The following NOVA1 variants were observed in gnomAD, a reference collection of about 807,000 sequenced individuals.
NOVA1 encodes the protein NOVA alternative splicing regulator 1.
A neutral mutation model predicts 38.0 loss-of-function variants in NOVA1; 7 were observed. The observed-to-expected ratio is 0.18, with a 90% CI of 0.10 to 0.35. The LOEUF is 0.35. Ranked by LOEUF, NOVA1 falls within the 10% of genes least tolerant of loss-of-function variation. NOVA1 has a pLI of 1.00. For synonymous variants in NOVA1, 270 were observed against 232.5 expected (o/e 1.16, Z -1.47); for missense variants, 460 against 616.0 (o/e 0.75, Z 2.68).
intron 2 of NOVA1, among the ~76,000 whole-genome samples, chr14:26,578,496 T>C (rs1893006207): frequency 1.3e-5 from 2 of 151,880 alleles, no homozygotes. Flanking sequence ...TGGAATGGAA[T>C]ATAGAAAAAA....
chr14:26,558,327 A>G (rs57242902), intron 2 of NOVA1, among the ~76,000 whole-genome samples: 7,371 of 152,218 alleles, frequency 0.048, 546 homozygotes, highest in African/African-American at 0.16. Context: ...GGAAGTAAAG[A>G]TGTCCTTCAA....
intron 2 of NOVA1, among the ~76,000 whole-genome samples, chr14:26,539,518 T>G (rs1384841508): frequency 1.4e-5 from 2 of 144,550 alleles, no homozygotes; most frequent in East Asian, 4.2e-4. Flanking sequence ...TTTATAAAAT[T>G]AAGAGCTCTT....
intron 4 of NOVA1, among the ~76,000 whole-genome samples, chr14:26,460,665 T>C (rs1313863029): frequency 6.6e-6 from 1 of 151,986 alleles, no homozygotes; most frequent in Non-Finnish European, 1.5e-5. Context: ...TTAGAAAAAC[T>C]AATAACCAAA....
At chr14:26,553,170 G>A (rs573720422) in intron 2 of NOVA1, among the ~76,000 whole-genome samples, 1 of 152,294 alleles carries the variant, frequency 6.6e-6, no homozygotes, top group South Asian at 2.1e-4. Context: ...TGAGATATCA[G>A]GTAGCACTTT....
chr14:26,459,331 C>T (rs1278097220), intron 4 of NOVA1, among the ~76,000 whole-genome samples: 1 of 151,920 alleles, frequency 6.6e-6, no homozygotes, highest in Non-Finnish European at 1.5e-5. Flanking sequence ...GTTACAACTG[C>T]CTACAGTATT....
At chr14:26,540,137 C>T (rs1420744596) in intron 2 of NOVA1, among the ~76,000 whole-genome samples, 1 of 152,190 alleles carries the variant, frequency 6.6e-6, no homozygotes, top group Non-Finnish European at 1.5e-5. Context: ...CAGCCATCCC[C>T]ACTTCCCCCA....
intron 2 of NOVA1, among the ~76,000 whole-genome samples, chr14:26,502,165 T>A (rs2138411186): frequency 6.6e-6 from 1 of 152,030 alleles, no homozygotes; most frequent in South Asian, 2.1e-4. Context: ...GCTCTCATCA[T>A]TTTATTTTCT....
At chr14:26,582,292 A>T (rs1950411) in intron 2 of NOVA1, among the ~76,000 whole-genome samples, 53,507 of 151,592 alleles carry the variant, frequency 0.35, 11,603 homozygotes, top group African/African-American at 0.61. Flanking sequence ...GCAATGCAGT[A>T]TCTACTTATT....
intron 2 of NOVA1, among the ~76,000 whole-genome samples, chr14:26,505,650 T>C (rs1887592007): frequency 1.3e-5 from 2 of 152,122 alleles, no homozygotes; most frequent in South Asian, 2.1e-4. Context: ...ATACACATAA[T>C]ACACACATAT....
chr14:26,452,687 G>A (rs2138571716), intron 4 of NOVA1, among the ~76,000 whole-genome samples: 1 of 152,238 alleles, frequency 6.6e-6, no homozygotes, highest in East Asian at 1.9e-4. Context: ...GATCTTCAAC[G>A]GCATACCAAT....
intron 2 of NOVA1, among the ~76,000 whole-genome samples, chr14:26,566,790 A>G (rs1024217623): frequency 3.3e-5 from 5 of 152,214 alleles, no homozygotes; most frequent in African/African-American, 9.6e-5. Flanking sequence ...AACGGAAGTC[A>G]TCATTATAAG....
chr14:26,557,001 GC>G (rs1457622742), intron 2 of NOVA1, among the ~76,000 whole-genome samples: 1 of 152,094 alleles, frequency 6.6e-6, no homozygotes, highest in Non-Finnish European at 1.5e-5. Flanking sequence ...ATCTTTCCAA[GC>G]CTCTCTCCTT....
intron 3 of NOVA1, among the ~76,000 whole-genome samples, chr14:26,476,864 C>T (rs538710407): frequency 9.2e-5 from 14 of 151,376 alleles, no homozygotes; most frequent in East Asian, 3.9e-4. Flanking sequence ...TACAGGCATG[C>T]GCCACCACAC....
At chr14:26,503,600 C>T (rs569750298) in intron 2 of NOVA1, among the ~76,000 whole-genome samples, 2 of 151,986 alleles carry the variant, frequency 1.3e-5, no homozygotes, top group South Asian at 2.1e-4. Context: ...AAGTACCAAA[C>T]GTTTTTTGAC....
chr14:26,516,904 C>CTT, intron 2 of NOVA1, among the ~76,000 whole-genome samples: 1 of 55,820 alleles, frequency 1.8e-5, no homozygotes, highest in Non-Finnish European at 3.9e-5. Flanking sequence ...CTGACTTTGC[C>CTT]TCTTTTTTTT....
At chr14:26,494,216 G>C (rs983512942) in intron 2 of NOVA1, among the ~76,000 whole-genome samples, 1 of 152,078 alleles carries the variant, frequency 6.6e-6, no homozygotes, top group African/African-American at 2.4e-5. Flanking sequence ...CCTCTTTTAT[G>C]AATGTTTCTT....
chr14:26,558,214 T>C (rs1008097771), intron 2 of NOVA1, among the ~76,000 whole-genome samples: 5 of 152,072 alleles, frequency 3.3e-5, no homozygotes, highest in Admixed American at 6.6e-5. Context: ...ATGTACAACG[T>C]AATGAATGAA....
chr14:26,500,361 C>T (rs895172419), intron 2 of NOVA1, among the ~76,000 whole-genome samples: 2 of 151,968 alleles, frequency 1.3e-5, no homozygotes, highest in Non-Finnish European at 2.9e-5. Flanking sequence ...GCTTACTGCT[C>T]GGCTTACTGA....
Position 26,495,568 on chromosome 14 carries a change from C to T in NOVA1, c.281-15425G>A, listed in dbSNP as rs139452265. Among the ~76,000 whole-genome samples the T allele has an allele frequency of 5.3e-3, 798 of 150,208 alleles. 8 individuals are homozygous for T. The highest frequency in any genetic ancestry group is 0.019 in the African/African-American group (766 of 40,296). ...TGTGCAGGTTAGTTACATATGTATA[C>T]ATGTGACATGCTGGTGCGCTGCACC... On this transcript the variant is annotated intron_variant, in intron 2 of 4. Transcript: ENST00000539517.
Sources: allele counts gnomAD v4.1 joint callset (sites outside exome capture counted in the v4.1 genomes callset), GRCh38; gene constraint gnomAD v4.1.1; transcripts MANE v1.5; gene names NCBI Gene and HGNC (gene_info 2026-07-23, HGNC 2026-07-21).